CAAP1: variants seen among roughly 807,000 people sequenced by gnomAD.
CAAP1 encodes caspase activity and apoptosis inhibitor 1.
In CAAP1, 20 loss-of-function variants were observed where a neutral mutation model predicts 34.0. That is an observed-to-expected ratio of 0.59 (90% CI 0.41 to 0.86). The LOEUF is 0.86. CAAP1 is among the 40% of genes least tolerant of loss of function. The probability of loss-of-function intolerance (pLI) is 0.00; values close to 1 mark genes in which losing one functional copy is unlikely to be tolerated. For synonymous variants in CAAP1, 213 were observed against 166.7 expected (o/e 1.28, Z -2.14); for missense variants, 538 against 450.5 (o/e 1.19, Z -1.76).
chr9:26,874,454 G>C (rs1181954044), intron 4 of CAAP1, among the ~76,000 whole-genome samples: 2 of 151,948 alleles, frequency 1.3e-5, no homozygotes, highest in African/African-American at 4.8e-5. Context: ...TTGTGCTACT[G>C]AACACTAGAA....
At position 26,842,462 on chromosome 9, in the gene CAAP1, C is replaced by G; in HGVS notation, c.925G>C (p.Ala309Pro). Residue 309 changes from alanine to proline, a missense_variant, in exon 6 of 6, where the codon GCA (alanine) becomes CCA (proline). By Grantham distance (27) the Ala-to-Pro change is conservative. This residue lies in a region of CAAP1 where 514 missense variants were observed against 408.4 expected (regional missense o/e 1.26). Transcript: ENST00000333916. ...TTGGGTTCGTTTGGGCTAGACTCTGCCAGTCCTAGAATCTCATTCACACTT... is the reference window on the plus strand; with the variant it reads ...TTGGGTTCGTTTGGGCTAGACTCTGGCAGTCCTAGAATCTCATTCACACTT... ...EKSVNEILGL[A>P]ESSPNEPKAA... 1 of 1,614,114 alleles carries G rather than the reference C, an allele frequency of 6.2e-7. No homozygotes were observed. The highest frequency in any genetic ancestry group is 8.5e-7 in the Non-Finnish European group (1 of 1,180,028).
At chr9:26,886,726 T>C (rs1802848926) in intron 2 of CAAP1, among the ~76,000 whole-genome samples, 1 of 152,198 alleles carries the variant, frequency 6.6e-6, no homozygotes, top group African/African-American at 2.4e-5. Flanking sequence ...ACCATAAAGA[T>C]TGTATGTCCA....
chr9:26,850,132 G>A (rs770661532), intron 5 of CAAP1, among the ~76,000 whole-genome samples: 16 of 152,088 alleles, frequency 1.1e-4, no homozygotes, highest in Admixed American at 9.2e-4. Context: ...CACCACGCCC[G>A]GCTAGTAAAA....
intron 1 of CAAP1, among the ~76,000 whole-genome samples, chr9:26,890,092 A>AG (rs1008069649): frequency 6.6e-6 from 1 of 151,656 alleles, no homozygotes; most frequent in African/African-American, 2.4e-5. Flanking sequence ...GAAACTGGTC[A>AG]GGCGCGGTGG....
intron 4 of CAAP1, among the ~76,000 whole-genome samples, chr9:26,877,858 A>G (rs1245227541): frequency 6.6e-6 from 1 of 151,452 alleles, no homozygotes; most frequent in African/African-American, 2.4e-5. Context: ...ATATTTTCCT[A>G]TATTTATTAC....
chr9:26,853,233 G>A (rs1822794086), intron 5 of CAAP1, among the ~76,000 whole-genome samples: 2 of 152,194 alleles, frequency 1.3e-5, no homozygotes, highest in Non-Finnish European at 2.9e-5. Context: ...TGATTCCAAG[G>A]TTCTTGGCCT....
rs147394778 is a variant in CAAP1, at chr9:26,852,631, C to G, written c.739+8435G>C. On this transcript the variant is annotated intron_variant, in intron 5 of 5. Coordinates refer to ENST00000333916, the MANE Select transcript of CAAP1 (RefSeq NM_024828.4). ...AGATTTCAGATTTGACATATTGGAA[C>G]ACATGTATTAAAACCTGCAGTCACA... Among the ~76,000 whole-genome samples, 36 of 152,252 alleles carry G rather than the reference C, an allele frequency of 2.4e-4. No individual in the cohort carries two copies. In the East Asian group the frequency reaches 6.6e-3, roughly 28 times the overall value.
In CAAP1 at chr9:26,892,775, A is replaced by G. The variant is rs1479825646; in HGVS notation, c.-60T>C. ...CTGTCTCTGGTGCGACCGAAGCCCGACTCCTGCGGCCGTGGGCGGCAGGCA... is the reference window on the plus strand; with the variant it reads ...CTGTCTCTGGTGCGACCGAAGCCCGGCTCCTGCGGCCGTGGGCGGCAGGCA... On this transcript the variant is annotated 5_prime_UTR_variant, in exon 1 of 6. Coordinates refer to ENST00000333916, the MANE Select transcript of CAAP1 (RefSeq NM_024828.4). The G allele has an allele frequency of 6.7e-7, 1 of 1,484,532 alleles. No homozygotes were observed. The highest frequency in any genetic ancestry group is 1.4e-5 in the African/African-American group (1 of 71,464). 92.0% of individuals were successfully genotyped at this position (1,484,532 alleles called of 1,614,324 possible). A position where few individuals can be genotyped will look rare whatever the true frequency, so the allele number is the denominator to read the frequency against.
At chr9:26,856,131 G>GC (rs1024156759) in intron 5 of CAAP1, among the ~76,000 whole-genome samples, 2 of 149,764 alleles carry the variant, frequency 1.3e-5, no homozygotes, top group South Asian at 2.1e-4. Flanking sequence ...TTTTAAAAGG[G>GC]GGGGGGTAGA....
intron 4 of CAAP1, among the ~76,000 whole-genome samples, chr9:26,883,582 A>C (rs1823654538): frequency 6.6e-6 from 1 of 152,210 alleles, no homozygotes; most frequent in South Asian, 2.1e-4. Flanking sequence ...ACTTAAGCCT[A>C]ATGGCACCTC....
At chr9:26,883,983 T>C (rs1823663698) in intron 4 of CAAP1, among the ~76,000 whole-genome samples, 1 of 152,234 alleles carries the variant, frequency 6.6e-6, no homozygotes, top group East Asian at 1.9e-4. Context: ...TCTGTATTTC[T>C]GGTTAACTAT....
chr9:26,892,520 C>T lies in CAAP1; in HGVS notation c.196G>A (p.Gly66Ser). 1 of 1,572,200 alleles carries T rather than the reference C, an allele frequency of 6.4e-7. No homozygotes were observed. The highest frequency in any genetic ancestry group is 8.6e-7 in the Non-Finnish European group (1 of 1,158,890). Reference protein sequence around the residue: ...GNANFSGSVTGGGSGGSCWGG... With the variant: ...GNANFSGSVTSGGSGGSCWGG... Reference sequence around the variant, plus strand: ...CAACAGCTGCCGCCGCTCCCACCGCCGGTGACACTTCCACTAAAATTGGCG... The same window carrying T: ...CAACAGCTGCCGCCGCTCCCACCGCTGGTGACACTTCCACTAAAATTGGCG... Residue 66 changes from glycine to serine, a missense_variant, in exon 1 of 6, where the codon GGC becomes AGC. Physicochemically the swap from Gly to Ser is moderately conservative, Grantham distance 56. Transcript: ENST00000333916.
At chr9:26,857,211 A>C (rs1822889879) in intron 5 of CAAP1, among the ~76,000 whole-genome samples, 1 of 152,264 alleles carries the variant, frequency 6.6e-6, no homozygotes, top group South Asian at 2.1e-4. Flanking sequence ...AAACTTGTAC[A>C]TGTGAGCTTG....
intron 1 of CAAP1, among the ~76,000 whole-genome samples, chr9:26,888,070 C>T (rs527828388): frequency 1.6e-4 from 25 of 152,360 alleles, no homozygotes; most frequent in African/African-American, 5.5e-4. Flanking sequence ...TCCAAATCTA[C>T]TGCCATAATT....
chr9:26,872,574 T>TATATATATATATA (rs1563888459), intron 4 of CAAP1, among the ~76,000 whole-genome samples: 4 of 138,168 alleles, frequency 2.9e-5, no homozygotes, highest in African/African-American at 1.2e-4. Context: ...ATATATATAT[T>TATATATATATATA]TAGACAGAGT....
At chr9:26,861,697 T>C (rs1376063551) in intron 4 of CAAP1, among the ~76,000 whole-genome samples, 2 of 152,180 alleles carry the variant, frequency 1.3e-5, no homozygotes, top group Non-Finnish European at 2.9e-5. Context: ...TGTGCTTTCT[T>C]AGCATTATAC....
chr9:26,886,121 A>C lies in CAAP1; in HGVS notation c.572T>G (p.Ile191Ser). The C allele has an allele frequency of 6.5e-7, 1 of 1,533,776 alleles. No individual in the cohort carries two copies. The change falls in exon 3 of 6, where the codon ATT becomes AGT. Residue 191 changes from isoleucine (I) to serine (S), a missense_variant. Ile to Ser is a moderately radical substitution (Grantham distance 142, BLOSUM62 -2). Around this residue, in one of 3 missense-constraint regions of CAAP1, gnomAD observed 514 missense variants for 408.4 expected, o/e 1.26. Transcript: ENST00000333916. ...ATTCTTACCCTCAAGAATCTTCAAA[A>C]TTTTTTTTTCAGACAGGAGCTCTAA... ...EQLELLSEKK[I>S]LKILEGDNGM...
chr9:26,880,238 A>T, intron 4 of CAAP1: 1 of 414,600 alleles, frequency 2.4e-6, no homozygotes, highest in South Asian at 1.8e-5. Flanking sequence ...TGTCTTCAAA[A>T]AGGACAACCA....
intron 4 of CAAP1, among the ~76,000 whole-genome samples, chr9:26,876,510 CTATA>C (rs1823435686): frequency 8.6e-6 from 1 of 116,734 alleles, no homozygotes. Flanking sequence ...TTAAAACTTT[CTATA>C]TAAATGGTCA....
Sources: gnomAD v4.1 joint callset for allele counts (sites outside exome capture counted in the v4.1 genomes callset) on GRCh38, gnomAD v4.1.1 for gene constraint, gnomAD v4.1.1 regional missense constraint, MANE v1.5 for transcripts, NCBI Gene and HGNC (gene_info 2026-07-23, HGNC 2026-07-21) for gene names.